The following ZNF845 variants were observed in gnomAD, a reference collection of about 807,000 sequenced individuals.
ZNF845 encodes the protein zinc finger protein 845.
ZNF845 carries 59 observed loss-of-function variants against 76.1 expected under a neutral mutation model. That is an observed-to-expected ratio of 0.78 (90% CI 0.63 to 0.96). The LOEUF (loss-of-function observed/expected upper bound fraction) is 0.96. ZNF845 is among the 40% of genes least tolerant of loss of function. ZNF845 has a pLI of 0.00. For missense variants in ZNF845, 1,045 were observed against 1,172.8 expected (o/e 0.89, Z 1.59); for synonymous variants, 361 against 386.9 (o/e 0.93, Z 0.78).
chr19:53,344,083 T>A (rs540466540), intron 2 of ZNF845, among the ~76,000 whole-genome samples: 4 of 152,166 alleles, frequency 2.6e-5, no homozygotes, highest in African/African-American at 9.6e-5. Flanking sequence ...ATCAAGCAAT[T>A]CTGCGTCAGC....
intron 1 of ZNF845, among the ~76,000 whole-genome samples, chr19:53,339,977 G>A (rs1003807331): frequency 8.6e-5 from 13 of 152,018 alleles, no homozygotes; most frequent in Non-Finnish European, 8.8e-5. Context: ...CCAACCTCTG[G>A]GTTCAAGCGA....
intron 3 of ZNF845, among the ~76,000 whole-genome samples, chr19:53,349,175 C>G (rs139536171): frequency 6.6e-6 from 1 of 151,968 alleles, no homozygotes; most frequent in African/African-American, 2.4e-5. Flanking sequence ...CTTCTTATTC[C>G]TTATAATGCT....
At position 53,345,715 on chromosome 19, in the gene ZNF845, C is replaced by A. The variant is rs561300201; in HGVS notation, c.142+83C>A. On this transcript the variant is annotated intron_variant, in intron 3 of 3. Coordinates refer to ENST00000458035, the MANE Select transcript of ZNF845 (RefSeq NM_138374.3). Reference sequence around the variant, plus strand: ...TCTTTTTTTTAGATACAATGTCTTGCTCTGTCACCCAGGGTGGAGTGAAAT... The same window carrying A: ...TCTTTTTTTTAGATACAATGTCTTGATCTGTCACCCAGGGTGGAGTGAAAT... 1.0e-5 allele frequency: 16 copies of A among 1,591,808 alleles called. No individual in the cohort carries two copies. The African/African-American group carries it at 1.9e-4, about 19-fold the overall frequency.
chr19:53,343,121 C>G (rs1278489173), intron 2 of ZNF845, among the ~76,000 whole-genome samples: 1 of 152,098 alleles, frequency 6.6e-6, no homozygotes, highest in Non-Finnish European at 1.5e-5. Context: ...GCCCAGCCCC[C>G]AATAGTTATT....
chr19:53,335,992 T>C (rs2085210788), intron 1 of ZNF845, among the ~76,000 whole-genome samples: 1 of 148,376 alleles, frequency 6.7e-6, no homozygotes, highest in Non-Finnish European at 1.5e-5. Flanking sequence ...ATCACAAGGA[T>C]CACAAGGTCA....
intron 1 of ZNF845, among the ~76,000 whole-genome samples, chr19:53,340,120 T>G (rs1254996039): frequency 6.7e-6 from 1 of 148,874 alleles, no homozygotes; most frequent in Non-Finnish European, 1.5e-5. Context: ...GCCGTGATCT[T>G]GGCTCACTGC....
At chr19:53,341,845 A>T (rs1366616698) in intron 2 of ZNF845, among the ~76,000 whole-genome samples, 4 of 152,208 alleles carry the variant, frequency 2.6e-5, no homozygotes, top group African/African-American at 9.7e-5. Context: ...GAAAGTTCAT[A>T]CACAGACATG....
Position 53,355,546 on chromosome 19 carries a change from C to A in ZNF845, c.*1958C>A, listed in dbSNP as rs936339932. On this transcript the variant is annotated 3_prime_UTR_variant, in exon 4 of 4. Transcript: ENST00000458035. ...GCCTAACCTCATTATCCGCCCACTT[C>A]GGACTTGCAAATTGCTGGGATTATG... 1 of 152,072 alleles carries A rather than the reference C, an allele frequency of 6.6e-6. No individual in the cohort carries two copies. Among genetic ancestry groups the A allele is most frequent in the Non-Finnish European group, 1.5e-5 (1 of 68,026 alleles). The allele number at this position is 152,072 out of a possible 1,614,324, so 9.4% of individuals were successfully genotyped here. A position where few individuals can be genotyped will look rare whatever the true frequency, so the allele number is the denominator to read the frequency against.
In ZNF845 at chr19:53,351,844, G is replaced by C; in HGVS notation, c.1169G>C (p.Arg390Thr). The C allele has an allele frequency of 3.8e-6, 6 of 1,594,920 alleles. No individual in the cohort carries two copies. Among genetic ancestry groups the C allele is most frequent in the Non-Finnish European group, 5.1e-6 (6 of 1,173,120 alleles). The change falls in exon 4 of 4, where the codon AGG becomes ACG. Residue 390 changes from arginine (R) to threonine (T), a missense_variant. By Grantham distance (71) the Arg-to-Thr change is moderately conservative (BLOSUM62 -1). Transcript: ENST00000458035. ...CCTTACAAGTGTAATGAATGCAGCA[G>C]GACCTTTAGTCGGAAGTCATCCCTT... is the stretch of plus-strand genomic sequence containing the variant. Reference protein sequence around the residue: ...EKPYKCNECSRTFSRKSSLTR... With the variant: ...EKPYKCNECSTTFSRKSSLTR...
At chr19:53,348,903 C>G (rs1433966433) in intron 3 of ZNF845, among the ~76,000 whole-genome samples, 1 of 130,686 alleles carries the variant, frequency 7.7e-6, no homozygotes, top group Non-Finnish European at 1.5e-5. Flanking sequence ...GTCACCCAGG[C>G]TGGAGTGCAG....
rs1462891542 is a variant in ZNF845, at chr19:53,352,866, A to C, written c.2191A>C (p.Lys731Gln). The change falls in exon 4 of 4, where the codon AAG (lysine) becomes CAG (glutamine). Residue 731 changes from lysine (K) to glutamine (Q), a missense_variant. Coordinates refer to ENST00000458035, the MANE Select transcript of ZNF845 (RefSeq NM_138374.3). The part of the protein sequence containing the change: ...CNECGKAFSQ[K>Q]SSLTCHLRLH... ...TGAGTGTGGCAAGGCCTTCAGTCAG[A>C]AGTCATCCCTTACATGCCATCTTAG... 4 of 1,614,100 alleles carry C rather than the reference A, an allele frequency of 2.5e-6. No individual in the cohort carries two copies. In the African/African-American group the frequency reaches 5.3e-5, roughly 22 times the overall value.
In ZNF845 at chr19:53,353,514, G is replaced by A. The variant is rs1207562570; in HGVS notation, c.2839G>A (p.Glu947Lys). 1.2e-6 allele frequency: 2 copies of A among 1,613,338 alleles called. No individual in the cohort carries two copies. The highest frequency in any genetic ancestry group is 1.7e-5 in the Admixed American group (1 of 59,932). Residue 947 changes from glutamate (E) to lysine (K), a missense_variant, in exon 4 of 4, where the codon GAA becomes AAA. Transcript: ENST00000458035. Reference sequence around the variant, plus strand: ...TGGAGAGAAACCTTACAAGTGTAATGAATGTGGCAAGGTTTTTAATCGAAA... The same window carrying A: ...TGGAGAGAAACCTTACAAGTGTAATAAATGTGGCAAGGTTTTTAATCGAAA... ...HTGEKPYKCN[E>K]CGKVFNRKAK...
chr19:53,343,093 G>A (rs113666801), intron 2 of ZNF845, among the ~76,000 whole-genome samples: 7,684 of 152,114 alleles, frequency 0.051, 487 homozygotes, highest in African/African-American at 0.15. Context: ...TGCTGGGATT[G>A]CAAGCGTGAT....
Position 53,352,449 on chromosome 19 carries a change from A to G in ZNF845, c.1774A>G (p.Thr592Ala). Residue 592 changes from threonine (T) to alanine (A), a missense_variant, in exon 4 of 4, where the codon ACA becomes GCA. Physicochemically the swap from Thr to Ala is moderately conservative, Grantham distance 58. Coordinates refer to ENST00000458035, the MANE Select transcript of ZNF845 (RefSeq NM_138374.3). ...TTGTCACCAAGTCTTTAGTAATGCT[A>G]CAACCATTGCAAATCATTGGAGAAT... The part of the protein sequence containing the change: ...NDCHQVFSNA[T>A]TIANHWRIHN... The G allele has an allele frequency of 6.2e-7, 1 of 1,613,840 alleles. No homozygotes were observed. Among genetic ancestry groups the G allele is most frequent in the Middle Eastern group, 1.7e-4 (1 of 6,056 alleles).
chr19:53,350,891 G>T lies in ZNF845; in HGVS notation c.216G>T (p.Gly72=), dbSNP rs1176789471. Residue 72 remains glycine (G), a synonymous_variant, in exon 4 of 4, where the codon GGG becomes GGT. Transcript: ENST00000458035. ...GCAATACAGAAGTGATCCACACAGG[G>T]ACATTGCAAAGACATGAACGTCATC... ...AQGNTEVIHT[G]TLQRHERHHI... 3 of 1,614,156 alleles carry T rather than the reference G, an allele frequency of 1.9e-6. No individual in the cohort carries two copies. The highest frequency in any genetic ancestry group is 2.5e-6 in the Non-Finnish European group (3 of 1,180,032).
intron 2 of ZNF845, among the ~76,000 whole-genome samples, chr19:53,344,604 A>ATTTAATTTTAT (rs1555822547): frequency 7.9e-6 from 1 of 126,908 alleles, no homozygotes. Flanking sequence ...ATTTTATTTT[A>ATTTAATTTTAT]TTTATTTTAT....
Position 53,353,727 on chromosome 19 carries a change from CTA to C in ZNF845, c.*140_*141del, listed in dbSNP as rs1437053388. The stretch of plus-strand genomic sequence containing the variant: ...CGTGATTCACACCTGGCCCAACAAA[CTA>C]GAAGTCACACTGGAGAGAAACCTTA... On this transcript the variant is annotated 3_prime_UTR_variant, in exon 4 of 4. Transcript: ENST00000458035. 1.0e-5 allele frequency: 15 copies of C among 1,498,322 alleles called. No homozygotes were observed. Among genetic ancestry groups the C allele is most frequent in the Non-Finnish European group, 1.3e-5 (15 of 1,125,046 alleles). 92.8% of individuals were successfully genotyped at this position (1,498,322 alleles called of 1,614,324 possible).
At chr19:53,349,732 A>G (rs2085320904) in intron 3 of ZNF845, among the ~76,000 whole-genome samples, 1 of 152,076 alleles carries the variant, frequency 6.6e-6, no homozygotes, top group African/African-American at 2.4e-5. Flanking sequence ...GACACAGTCC[A>G]CTCGTTAATG....
At chr19:53,346,442 A>C (rs896888691) in intron 3 of ZNF845, 9 of 371,934 alleles carry the variant, frequency 2.4e-5, no homozygotes, top group African/African-American at 2.0e-4. Context: ...GCACTTTGGG[A>C]GGCCGAGGCA....
Sources: gnomAD v4.1 joint callset for allele counts (sites outside exome capture counted in the v4.1 genomes callset) on GRCh38, gnomAD v4.1.1 for gene constraint, MANE v1.5 for transcripts, NCBI Gene and HGNC (gene_info 2026-07-23, HGNC 2026-07-21) for gene names.